The following ZNF385D variants were observed in gnomAD, a reference collection of about 807,000 sequenced individuals.
ZNF385D encodes zinc finger protein 659.
ZNF385D carries 15 observed loss-of-function variants against 35.8 expected under a neutral mutation model. That is an observed-to-expected ratio of 0.42 (90% confidence interval 0.28 to 0.64). The LOEUF (loss-of-function observed/expected upper bound fraction) is 0.64, where lower values mean the gene tolerates loss of function less well. Ranked by LOEUF, ZNF385D falls within the 30% of genes least tolerant of loss-of-function variation. The pLI, the probability that ZNF385D is intolerant of heterozygous loss-of-function variation, is 0.23. For synonymous variants in ZNF385D, 212 were observed against 186.8 expected, an observed-to-expected ratio of 1.13 and a Z score of -1.10; for missense variants, 474 against 494.6, an observed-to-expected ratio of 0.96 and a Z score of 0.39.
At chr3:21,765,382 A>G (rs2070783284) in intron 3 of ZNF385D, among the ~76,000 whole-genome samples, 4 of 152,122 alleles carry the variant, frequency 2.6e-5, no homozygotes, top group African/African-American at 9.7e-5. Context: ...GGAAATGCTT[A>G]TTTCATATGA....
In ZNF385D at chr3:21,433,547, T is replaced by C. The variant is rs979639225; in HGVS notation, c.673+3423A>G. On this transcript the variant is annotated intron_variant, in intron 5 of 7. Coordinates refer to ENST00000281523, the MANE Select transcript of ZNF385D (RefSeq NM_024697.3). Reference sequence around the variant, plus strand: ...CTCTGAAAGAAAGCAGAGAAGTGTTTCTGAAGCACTATTAGAGGGGCAGGG... The same window carrying C: ...CTCTGAAAGAAAGCAGAGAAGTGTTCCTGAAGCACTATTAGAGGGGCAGGG... Among the ~76,000 whole-genome samples the C allele has an allele frequency of 3.9e-5, 6 of 152,178 alleles. No individual in the cohort carries two copies. In the East Asian group the frequency reaches 1.2e-3, roughly 29 times the overall value.
chr3:22,062,795 T>A (rs1373470661), intron 3 of ZNF385D, among the ~76,000 whole-genome samples: 2 of 152,316 alleles, frequency 1.3e-5, no homozygotes, highest in East Asian at 3.9e-4. Context: ...CCAGCTGCCA[T>A]GCAGTGAGGA....
chr3:21,524,188 A>C (rs1243732821), intron 3 of ZNF385D, among the ~76,000 whole-genome samples: 1 of 152,204 alleles, frequency 6.6e-6, no homozygotes, highest in African/African-American at 2.4e-5. Context: ...AAAACACCTA[A>C]GTAAAATGTG....
intron 3 of ZNF385D, among the ~76,000 whole-genome samples, chr3:22,061,165 G>A (rs1699667464): frequency 6.6e-6 from 1 of 152,132 alleles, no homozygotes; most frequent in South Asian, 2.1e-4. Flanking sequence ...TTCTCTCAAA[G>A]TAAGTTGGTT....
intron 3 of ZNF385D, among the ~76,000 whole-genome samples, chr3:22,128,685 T>G (rs549843496): frequency 6.6e-6 from 1 of 152,186 alleles, no homozygotes; most frequent in Non-Finnish European, 1.5e-5. Context: ...AATTTGTCAA[T>G]TGAATTTTTA....
At chr3:22,251,732 T>C (rs151135723) in intron 2 of ZNF385D, among the ~76,000 whole-genome samples, 1 of 152,052 alleles carries the variant, frequency 6.6e-6, no homozygotes, top group East Asian at 1.9e-4. Flanking sequence ...TGGAGTACCA[T>C]TGCCTTAGAC....
chr3:21,659,615 A>C (rs1280312763), intron 2 of ZNF385D, among the ~76,000 whole-genome samples: 4 of 152,076 alleles, frequency 2.6e-5, no homozygotes, highest in Non-Finnish European at 5.9e-5. Flanking sequence ...AGTTGCACCT[A>C]TAGAAAATTC....
chr3:21,989,024 C>A (rs1265734612), intron 3 of ZNF385D, among the ~76,000 whole-genome samples: 1 of 151,988 alleles, frequency 6.6e-6, no homozygotes, highest in African/African-American at 2.4e-5. Context: ...GCGCACGGTG[C>A]GCGCACCCAC....
chr3:22,356,855 A>G (rs1696175386), intron 2 of ZNF385D, among the ~76,000 whole-genome samples: 1 of 151,918 alleles, frequency 6.6e-6, no homozygotes, highest in African/African-American at 2.4e-5. Context: ...TTTAAAAGAA[A>G]GAATAAGATA....
At chr3:21,474,267 A>G (rs1575002759) in intron 4 of ZNF385D, among the ~76,000 whole-genome samples, 1 of 152,108 alleles carries the variant, frequency 6.6e-6, no homozygotes, top group East Asian at 1.9e-4. Flanking sequence ...AAGTTTCCCC[A>G]GACTACAGGA....
chr3:22,105,378 T>C (rs1404485814), intron 3 of ZNF385D, among the ~76,000 whole-genome samples: 2 of 152,030 alleles, frequency 1.3e-5, no homozygotes, highest in Non-Finnish European at 2.9e-5. Context: ...TATATCTCTC[T>C]CTATATGTGT....
At chr3:21,836,465 G>T (rs1695336450) in intron 3 of ZNF385D, among the ~76,000 whole-genome samples, 1 of 152,084 alleles carries the variant, frequency 6.6e-6, no homozygotes, top group Admixed American at 6.6e-5. Flanking sequence ...TTTATTTATG[G>T]ATTCACAAAC....
At chr3:22,355,636 T>C (rs1014770757) in intron 2 of ZNF385D, among the ~76,000 whole-genome samples, 1 of 151,746 alleles carries the variant, frequency 6.6e-6, no homozygotes, top group African/African-American at 2.4e-5. Flanking sequence ...GTTAGCAAGA[T>C]GATGAAAGAA....
intron 1 of ZNF385D, among the ~76,000 whole-genome samples, chr3:21,685,401 A>C (rs151259122): frequency 7.2e-5 from 11 of 152,338 alleles, no homozygotes; most frequent in African/African-American, 2.6e-4. Context: ...ACAGCCTAAG[A>C]GTTCATAAAA....
chr3:22,031,530 G>A (rs1363690478), intron 3 of ZNF385D, among the ~76,000 whole-genome samples: 1 of 152,198 alleles, frequency 6.6e-6, no homozygotes, highest in Non-Finnish European at 1.5e-5. Flanking sequence ...CACGGCTGGA[G>A]TTGGAGCGGC....
At chr3:21,738,891 T>G (rs773705425) in intron 1 of ZNF385D, among the ~76,000 whole-genome samples, 1 of 152,270 alleles carries the variant, frequency 6.6e-6, no homozygotes, top group Non-Finnish European at 1.5e-5. Flanking sequence ...TTGTTGTTCA[T>G]TTGTTTTCTT....
chr3:21,525,072 A>G (rs1708144649), intron 3 of ZNF385D, among the ~76,000 whole-genome samples: 1 of 152,214 alleles, frequency 6.6e-6, no homozygotes, highest in South Asian at 2.1e-4. Context: ...GGGTCCATTC[A>G]GTAAATCATG....
rs143894189 is a variant in ZNF385D at position 22,325,915 on chromosome 3, G to A, written c.106+46535C>T. Among the ~76,000 whole-genome samples the A allele has an allele frequency of 3.9e-5, 6 of 152,174 alleles. No homozygotes were observed. In the East Asian group the frequency reaches 1.2e-3, roughly 29 times the overall value. ...AGAAGAATTTAGTATATAAAATACA[G>A]GGGAAATTTTCTAATGATCATCATT... On this transcript the variant is annotated intron_variant, in intron 2 of 5. Coordinates refer to the ZNF385D transcript ENST00000494108.
rs985791498 is a variant in ZNF385D, at chr3:21,841,089, C to T, written c.326-176061G>A. Among the ~76,000 whole-genome samples the T allele has an allele frequency of 5.3e-5, 8 of 151,916 alleles. No homozygotes were observed. The South Asian group carries it at 8.3e-4, about 16-fold the overall frequency. On this transcript the variant is annotated intron_variant, in intron 3 of 5. Transcript: ENST00000494108. ...TTAGCAAGTTTCATGAGAAAAGAAT[C>T]GTCAAAGGCAATGAAGCAAGGACAT...
Sources: allele counts gnomAD v4.1 joint callset (sites outside exome capture counted in the v4.1 genomes callset), GRCh38; gene constraint gnomAD v4.1.1; transcripts MANE v1.5; gene names NCBI Gene and HGNC (gene_info 2026-07-23, HGNC 2026-07-21).